Variants in SPIRE1 observed in about 807,000 individuals in gnomAD.
SPIRE1 encodes spire type actin nucleation factor 1.
In SPIRE1, 40 loss-of-function variants were observed where a neutral mutation model predicts 94.1. The ratio of observed to expected loss-of-function variants is 0.43; its 90% confidence interval spans 0.33 to 0.55. The LOEUF is 0.55. SPIRE1 is among the 20% of genes least tolerant of loss of function. SPIRE1 has a pLI of 0.06. For synonymous variants in SPIRE1, 376 were observed against 371.7 expected (o/e 1.01, Z -0.13); for missense variants, 838 against 975.2 (o/e 0.86, Z 1.87).
chr18:12,547,769 C>CT (rs2144288955), intron 2 of SPIRE1, among the ~76,000 whole-genome samples: 1 of 152,268 alleles, frequency 6.6e-6, no homozygotes, highest in Non-Finnish European at 1.5e-5. Context: ...TGGCGAAACC[C>CT]TGTCTCTACT....
intron 2 of SPIRE1, among the ~76,000 whole-genome samples, chr18:12,610,878 C>T (rs751274123): frequency 1.2e-4 from 18 of 152,164 alleles, no homozygotes; most frequent in Non-Finnish European, 2.1e-4. Context: ...AAACCTCCCA[C>T]CATCCCATCT....
At chr18:12,554,928 C>T (rs1323125038) in intron 2 of SPIRE1, among the ~76,000 whole-genome samples, 8 of 152,130 alleles carry the variant, frequency 5.3e-5, no homozygotes, top group Non-Finnish European at 2.9e-5. Flanking sequence ...CCCATCAGGC[C>T]TCCCAGAGTA....
intron 12 of SPIRE1, 51 bp from the exon 13 acceptor site, chr18:12,454,534 A>G: frequency 6.3e-7 from 1 of 1,593,538 alleles, no homozygotes; most frequent in Non-Finnish European, 8.6e-7. Context: ...CCTGTTCTGG[A>G]AGTGCAAAAT....
intron 1 of SPIRE1, 47 bp downstream of exon 1, chr18:12,657,483 C>G: frequency 1.6e-6 from 2 of 1,215,276 alleles, no homozygotes; most frequent in Non-Finnish European, 2.0e-6. Context: ...GCGGCCCAGC[C>G]GCGGGTGTTC....
intron 2 of SPIRE1, among the ~76,000 whole-genome samples, chr18:12,547,450 G>A (rs554320497): frequency 6.6e-6 from 1 of 152,116 alleles, no homozygotes; most frequent in Non-Finnish European, 1.5e-5. Context: ...TATTACTGCC[G>A]GGCAAATGAA....
chr18:12,565,801 C>T (rs542882809), intron 2 of SPIRE1, among the ~76,000 whole-genome samples: 93 of 151,988 alleles, frequency 6.1e-4, no homozygotes, highest in Middle Eastern at 3.4e-3. Flanking sequence ...TTTGGGAGGC[C>T]GAGGCAGGCA....
At chr18:12,502,840 G>C (rs896656080) in intron 6 of SPIRE1, among the ~76,000 whole-genome samples, 7 of 152,246 alleles carry the variant, frequency 4.6e-5, no homozygotes, top group South Asian at 4.1e-4. Context: ...GGGTGCGGTG[G>C]CTCATGCTTG....
chr18:12,623,107 T>C (rs1054181213), intron 2 of SPIRE1, among the ~76,000 whole-genome samples: 14 of 101,362 alleles, frequency 1.4e-4, no homozygotes, highest in African/African-American at 4.0e-4. Context: ...TATGAAGTGA[T>C]TTTTACATTC....
intron 10 of SPIRE1, among the ~76,000 whole-genome samples, chr18:12,469,338 G>A (rs891412761): frequency 6.6e-6 from 1 of 151,500 alleles, no homozygotes; most frequent in Non-Finnish European, 1.5e-5. Flanking sequence ...TAGTAGCTGG[G>A]ATTATTGGCA....
chr18:12,528,899 A>G (rs964804128), intron 4 of SPIRE1, among the ~76,000 whole-genome samples: 1 of 152,218 alleles, frequency 6.6e-6, no homozygotes, highest in Non-Finnish European at 1.5e-5. Context: ...CAATGATCAA[A>G]TATCTACGGA....
chr18:12,493,289 A>G, intron 7 of SPIRE1, 88 bp from the exon 8 acceptor site: 1 of 1,226,130 alleles, frequency 8.2e-7, no homozygotes, highest in Non-Finnish European at 1.1e-6. Flanking sequence ...TATAAATTAC[A>G]TTTCATTGAC....
At chr18:12,524,843 G>A (rs192438065) in intron 4 of SPIRE1, among the ~76,000 whole-genome samples, 192 of 152,086 alleles carry the variant, frequency 1.3e-3, no homozygotes, top group African/African-American at 4.5e-3. Flanking sequence ...GCCAACCATG[G>A]TGGTGAACAC....
intron 2 of SPIRE1, among the ~76,000 whole-genome samples, chr18:12,602,096 TTACA>T (rs2036850156): frequency 6.6e-6 from 1 of 152,118 alleles, no homozygotes; most frequent in South Asian, 2.1e-4. Context: ...CATATAACGT[TTACA>T]TAAATACATA....
chr18:12,451,048 G>T (rs558630627), intron 16 of SPIRE1: 26 of 455,150 alleles, frequency 5.7e-5, no homozygotes, highest in East Asian at 2.2e-4. Context: ...AGGAGGAGGA[G>T]GATGAATAAG....
In SPIRE1 at chr18:12,479,793, T is replaced by C; in HGVS notation, c.1310A>G (p.Glu437Gly). 6.2e-7 allele frequency: 1 copy of C among 1,614,210 alleles called. No homozygotes were observed. The change falls in exon 10 of 17, where the codon GAA becomes GGA. Residue 437 changes from glutamate (E) to glycine (G), a missense_variant. Coordinates refer to ENST00000409402, the MANE Select transcript of SPIRE1 (RefSeq NM_001128626.2). Reference sequence around the variant, plus strand: ...CTGCTGTGAGGTACTTAACCCGTTTTCTTTTGTTTGTGATGTCAAACCTCC... The same window carrying C: ...CTGCTGTGAGGTACTTAACCCGTTTCCTTTTGTTTGTGATGTCAAACCTCC... ...VNGGLTSQTK[E>G]NGLSTSQQVP...
intron 4 of SPIRE1, among the ~76,000 whole-genome samples, chr18:12,528,772 C>T (rs1024802101): frequency 6.6e-6 from 1 of 152,248 alleles, no homozygotes. Context: ...AGTGAGAACA[C>T]GAGGGAGGCT....
chr18:12,461,461 T>TATGTAC (rs1555680909), intron 12 of SPIRE1, among the ~76,000 whole-genome samples: 1 of 145,748 alleles, frequency 6.9e-6, no homozygotes, highest in Admixed American at 6.8e-5. Flanking sequence ...TGTGTATGTA[T>TATGTAC]GTACATATGT....
intron 1 of SPIRE1, among the ~76,000 whole-genome samples, chr18:12,638,535 CAG>C (rs1333316239): frequency 6.6e-6 from 1 of 152,168 alleles, no homozygotes; most frequent in African/African-American, 2.4e-5. Context: ...GAGTTGGTGA[CAG>C]AGTGAAGAGC....
Position 12,452,295 on chromosome 18 carries a change from G to C in SPIRE1, c.1972C>G (p.Pro658Ala), listed in dbSNP as rs1323146585. The C allele has an allele frequency of 6.2e-7, 1 of 1,614,120 alleles. No homozygotes were observed. The highest frequency in any genetic ancestry group is 8.5e-7 in the Non-Finnish European group (1 of 1,180,036). ...AGTGGCCGATGATGGGCAGTGGAGG[G>C]TTTTTCTGACCTCATACTACTTTCC... is the stretch of plus-strand genomic sequence containing the variant. The part of the protein sequence containing the change: ...RGESSMRSEK[P>A]STAHHRPLRS... Residue 658 changes from proline (P) to alanine (A), a missense_variant, in exon 16 of 17, where the codon CCC (proline) becomes GCC (alanine). This residue lies in a region of SPIRE1 where 645 missense variants were observed against 804.7 expected (regional missense o/e 0.80). Transcript: ENST00000409402.
Sources: allele counts gnomAD v4.1 joint callset (sites outside exome capture counted in the v4.1 genomes callset), GRCh38; gene constraint gnomAD v4.1.1; regional missense constraint gnomAD v4.1.1; transcripts MANE v1.5; gene names NCBI Gene and HGNC (gene_info 2026-07-23, HGNC 2026-07-21).